Variants in ISM1 observed in about 807,000 individuals in gnomAD.
ISM1 encodes the protein isthmin 1, also known as isthmin-1.
Under a neutral mutation model 46.3 loss-of-function variants are expected in ISM1, and 25 were observed. The ratio of observed to expected loss-of-function variants is 0.54; its 90% CI spans 0.39 to 0.75. The LOEUF is 0.75. Among genes scored for constraint, ISM1 ranks in the 30% least tolerant of loss-of-function variants. The probability of loss-of-function intolerance (pLI) is 0.00; values close to 1 mark genes in which losing one functional copy is unlikely to be tolerated. For missense variants in ISM1, 536 were observed against 625.4 expected (o/e 0.86, Z 1.52); for synonymous variants, 255 against 256.7 (o/e 0.99, Z 0.06).
At position 13,299,645 on chromosome 20, in the gene ISM1, G is replaced by A. The variant is rs902228510; in HGVS notation, c.*186G>A. On this transcript the variant is annotated 3_prime_UTR_variant, in exon 6 of 6. Transcript: ENST00000262487. The surrounding 1 kb of genome is among the most constrained non-coding windows in gnomAD (Gnocchi z 5.8). ...GCCCAGGGGACTGCCTTGTGAAGCC[G>A]CCCTCGCCATCTGCAGAGCTCCTTG... The A allele has an allele frequency of 5.2e-6, 3 of 576,450 alleles. No homozygotes were observed. Among genetic ancestry groups the A allele is most frequent in the East Asian group, 2.9e-5 (1 of 34,800 alleles). 35.7% of individuals were successfully genotyped at this position (576,450 alleles called of 1,614,324 possible).
the ISM1 span, among the ~76,000 whole-genome samples, chr20:13,321,724 A>G: frequency 6.6e-6 from 1 of 152,184 alleles, no homozygotes; most frequent in Non-Finnish European, 1.5e-5. Flanking sequence ...ATATAAATAC[A>G]TAACTATTTT....
At chr20:13,243,862 A>G (rs2039760919) in intron 1 of ISM1, among the ~76,000 whole-genome samples, 1 of 152,220 alleles carries the variant, frequency 6.6e-6, no homozygotes, top group Non-Finnish European at 1.5e-5. Context: ...TTCTGCAGTT[A>G]GAATAGCAGG....
chr20:13,303,155 A>T (rs1221072770), downstream of ISM1, among the ~76,000 whole-genome samples: 1 of 152,242 alleles, frequency 6.6e-6, no homozygotes, highest in Non-Finnish European at 1.5e-5. Flanking sequence ...GGTAAATGAC[A>T]GAGCTCCTTG....
chr20:13,295,777 C>A (rs571080968), intron 5 of ISM1, among the ~76,000 whole-genome samples: 18 of 152,314 alleles, frequency 1.2e-4, no homozygotes, highest in Admixed American at 7.2e-4. Context: ...TTGGAGGAGT[C>A]GCTTGTCGGG....
chr20:13,221,893 C>G lies in ISM1; in HGVS notation c.117C>G (p.Asn39Lys). 1 of 1,387,824 alleles carries G rather than the reference C, an allele frequency of 7.2e-7. No individual in the cohort carries two copies. The highest frequency in any genetic ancestry group is 9.3e-7 in the Non-Finnish European group (1 of 1,077,446). 86.0% of individuals were successfully genotyped at this position (1,387,824 alleles called of 1,614,324 possible). A position where few individuals can be genotyped will look rare whatever the true frequency, so the allele number is the denominator to read the frequency against. ...AADGPDAAAG[N>K]ASQAQLQNNL... ...ACGGGCCCGACGCGGCCGCGGGCAA[C>G]GCCAGCCAAGCCCAGCTGCAGGTGA... Residue 39 changes from asparagine to lysine, a missense_variant, in exon 1 of 6, where the codon AAC becomes AAG. By Grantham distance (94) the Asn-to-Lys change is moderately conservative. Coordinates refer to ENST00000262487, the MANE Select transcript of ISM1 (RefSeq NM_080826.2).
the ISM1 span, among the ~76,000 whole-genome samples, chr20:13,318,864 G>A: frequency 1.3e-5 from 2 of 152,236 alleles, no homozygotes; most frequent in African/African-American, 4.8e-5. Flanking sequence ...GGTTGCCAGG[G>A]GTTGAGAAGA....
chr20:13,286,096 A>G (rs2040289231), intron 3 of ISM1, among the ~76,000 whole-genome samples: 1 of 152,212 alleles, frequency 6.6e-6, no homozygotes, highest in South Asian at 2.1e-4. Flanking sequence ...TTTTATGAGT[A>G]TAAAAACATT....
intron 2 of ISM1, among the ~76,000 whole-genome samples, chr20:13,271,602 T>C (rs1248974443): frequency 1.3e-5 from 2 of 152,230 alleles, no homozygotes; most frequent in African/African-American, 2.4e-5. Context: ...ATAGTAGTTA[T>C]AGGGCTCAAA....
chr20:13,254,334 T>A (rs375026826), intron 1 of ISM1, among the ~76,000 whole-genome samples: 1 of 152,150 alleles, frequency 6.6e-6, no homozygotes, highest in Admixed American at 6.6e-5. Flanking sequence ...TATGTGTATA[T>A]ATAAGTATAA....
chr20:13,238,411 A>C lies in ISM1; in HGVS notation c.138+16497A>C, dbSNP rs560528442. 3.3e-5 allele frequency among the ~76,000 whole-genome samples: 5 copies of C among 152,328 alleles called. No individual in the cohort carries two copies. In the South Asian group the frequency reaches 1.0e-3, roughly 32 times the overall value. On this transcript the variant is annotated intron_variant, in intron 1 of 5. Transcript: ENST00000262487. ...CAAAATTCATAGCCCATTACTCATTAACTTATTTGGAGCTGCCCTTCAGTA... is the reference window on the plus strand; with the variant it reads ...CAAAATTCATAGCCCATTACTCATTCACTTATTTGGAGCTGCCCTTCAGTA...
At chr20:13,246,700 C>CTAAG (rs2123179851) in intron 1 of ISM1, among the ~76,000 whole-genome samples, 1 of 152,350 alleles carries the variant, frequency 6.6e-6, no homozygotes, top group African/African-American at 2.4e-5. Flanking sequence ...TTCCCAAGTT[C>CTAAG]TAAGACCTTG....
At position 13,292,746 on chromosome 20, in the gene ISM1, T is replaced by C. The variant is rs187535632; in HGVS notation, c.877+283T>C. Among the ~76,000 whole-genome samples, 38 of 152,254 alleles carry C rather than the reference T, an allele frequency of 2.5e-4. 1 individual carries two copies. Among genetic ancestry groups the C allele is most frequent in the African/African-American group, 9.1e-4 (38 of 41,556 alleles). ...TGTCTCTCAGCACAGAATAAGCCCA[T>C]AGCAGGGGCTCAAGTCACATGGAAT... is the stretch of plus-strand genomic sequence containing the variant. On this transcript the variant is annotated intron_variant, in intron 5 of 5. Coordinates refer to ENST00000262487, the MANE Select transcript of ISM1 (RefSeq NM_080826.2).
the ISM1 span, among the ~76,000 whole-genome samples, chr20:13,324,560 C>T: frequency 6.6e-6 from 1 of 152,294 alleles, no homozygotes; most frequent in East Asian, 1.9e-4. Flanking sequence ...AACTAAGTTT[C>T]AGTTGGCTTT....
At chr20:13,315,122 AC>A in the ISM1 span, among the ~76,000 whole-genome samples, 18,389 of 152,098 alleles carry the variant, frequency 0.12, 1,230 homozygotes, top group Admixed American at 0.18. Flanking sequence ...AGAATGGAAG[AC>A]AAAAACAGCA....
rs2039449946 is a variant in ISM1, at chr20:13,221,685, C to T, written c.-92C>T. 5.4e-6 allele frequency: 6 copies of T among 1,109,686 alleles called. No homozygotes were observed. The highest frequency in any genetic ancestry group is 5.7e-6 in the Non-Finnish European group (5 of 878,962). 68.7% of individuals were successfully genotyped at this position (1,109,686 alleles called of 1,614,324 possible). ...GGAGCCGAGGCGGGAGCCGCGCTGC[C>T]GGGCTCCCGGGCTCCTACTCCTCCT... On this transcript the variant is annotated 5_prime_UTR_variant, in exon 1 of 6. Coordinates refer to ENST00000262487, the MANE Select transcript of ISM1 (RefSeq NM_080826.2).
intron 4 of ISM1, among the ~76,000 whole-genome samples, chr20:13,292,161 T>C (rs2040360158): frequency 6.6e-6 from 1 of 152,254 alleles, no homozygotes; most frequent in Non-Finnish European, 1.5e-5. Flanking sequence ...CATTTGGATC[T>C]GATTTCACGT....
At chr20:13,297,068 A>T (rs1435817606) in intron 5 of ISM1, among the ~76,000 whole-genome samples, 1 of 152,124 alleles carries the variant, frequency 6.6e-6, no homozygotes, top group African/African-American at 2.4e-5. Context: ...GTCCTGATCA[A>T]TCAGTGAGGA....
At chr20:13,296,369 C>A (rs549631821) in intron 5 of ISM1, among the ~76,000 whole-genome samples, 1 of 152,254 alleles carries the variant, frequency 6.6e-6, no homozygotes, top group East Asian at 1.9e-4. Flanking sequence ...AAACTCAGAT[C>A]CCCATCAATA....
At chr20:13,294,487 G>T (rs932965787) in intron 5 of ISM1, among the ~76,000 whole-genome samples, 30 of 152,166 alleles carry the variant, frequency 2.0e-4, no homozygotes, top group African/African-American at 7.0e-4. Flanking sequence ...CACCCCACAG[G>T]CAGGCAGCAT....
Sources: allele counts gnomAD v4.1 joint callset (sites outside exome capture counted in the v4.1 genomes callset), GRCh38; gene constraint gnomAD v4.1.1; non-coding constraint Gnocchi (gnomAD v3.1); transcripts MANE v1.5; gene names NCBI Gene and HGNC (gene_info 2026-07-23, HGNC 2026-07-21).